The following ANO2 variants were observed in gnomAD, a reference collection of about 807,000 sequenced individuals.
ANO2 encodes anoctamin 2.
Under a neutral mutation model 124.2 loss-of-function variants are expected in ANO2, and 101 were observed. That is an observed-to-expected ratio of 0.81 (90% confidence interval 0.69 to 0.96). The LOEUF (loss-of-function observed/expected upper bound fraction) is 0.96, where lower values mean the gene tolerates loss of function less well. Among genes scored for constraint, ANO2 ranks in the 40% least tolerant of loss-of-function variants. ANO2 has a pLI of 0.00. For synonymous variants in ANO2, 486 were observed against 482.5 expected, an observed-to-expected ratio of 1.01 and a Z score of -0.09; for missense variants, 1,293 against 1,274.5, an observed-to-expected ratio of 1.01 and a Z score of -0.22.
At chr12:5,718,462 C>T (rs1950100596) in intron 14 of ANO2, among the ~76,000 whole-genome samples, 1 of 152,234 alleles carries the variant, frequency 6.6e-6, no homozygotes, top group South Asian at 2.1e-4. Flanking sequence ...CGTAGTTCAC[C>T]CAACGTCCAT....
At chr12:5,602,256 C>CTT (rs56321415) in intron 19 of ANO2, among the ~76,000 whole-genome samples, 194 of 148,374 alleles carry the variant, frequency 1.3e-3, no homozygotes, top group African/African-American at 4.2e-3. Flanking sequence ...TCTAGGAACT[C>CTT]TTTTTTTTTT....
intron 16 of ANO2, among the ~76,000 whole-genome samples, chr12:5,625,414 G>C (rs1164511608): frequency 6.6e-6 from 1 of 152,122 alleles, no homozygotes; most frequent in Non-Finnish European, 1.5e-5. Context: ...GCCAGGGAGA[G>C]AGAGAAAGAG....
chr12:5,609,782 T>C (rs1944395398), intron 19 of ANO2, among the ~76,000 whole-genome samples: 1 of 151,794 alleles, frequency 6.6e-6, no homozygotes, highest in Non-Finnish European at 1.5e-5. Context: ...GCCAGCTCAT[T>C]GGGCCTTACC....
In ANO2 at chr12:5,621,848, AAAG is replaced by A. The variant is rs1029105676; in HGVS notation, c.1817-6554_1817-6552del. Among the ~76,000 whole-genome samples the A allele has an allele frequency of 2.1e-4, 32 of 152,098 alleles. No homozygotes were observed. In the Middle Eastern group the frequency reaches 0.01, roughly 49 times the overall value. ...AGAAGAAAGAGAAGGGAAGGGGGAA[AAAG>A]AAGGAGGAAGAGGGAGGAGGGATGA... On this transcript the variant is annotated intron_variant, in intron 16 of 24. Transcript: ENST00000682330.
chr12:5,633,359 G>A (rs549999644), intron 16 of ANO2, among the ~76,000 whole-genome samples: 1 of 152,222 alleles, frequency 6.6e-6, no homozygotes, highest in East Asian at 1.9e-4. Context: ...CTCTTCCTAA[G>A]CTACTACCTC....
chr12:5,778,481 G>C (rs1204871045), intron 10 of ANO2, among the ~76,000 whole-genome samples: 2 of 152,170 alleles, frequency 1.3e-5, no homozygotes, highest in African/African-American at 4.8e-5. Context: ...CAAATGATGG[G>C]TCTTGCTGCT....
At chr12:5,609,521 C>T (rs1448035241) in intron 19 of ANO2, among the ~76,000 whole-genome samples, 3 of 152,126 alleles carry the variant, frequency 2.0e-5, no homozygotes, top group African/African-American at 7.2e-5. Flanking sequence ...ATTAAACTGT[C>T]TCCATTATAA....
intron 10 of ANO2, among the ~76,000 whole-genome samples, chr12:5,775,130 G>A (rs554913640): frequency 1.3e-4 from 20 of 152,292 alleles, no homozygotes; most frequent in Admixed American, 5.2e-4. Context: ...TTTCCAACTC[G>A]AGTCTATTTT....
intron 3 of ANO2, among the ~76,000 whole-genome samples, chr12:5,910,945 T>C (rs1941011188): frequency 6.6e-6 from 1 of 152,138 alleles, no homozygotes; most frequent in Non-Finnish European, 1.5e-5. Context: ...ATCCTGAGGG[T>C]GAGTTCTTCC....
intron 14 of ANO2, among the ~76,000 whole-genome samples, chr12:5,702,641 A>G (rs1949452512): frequency 1.3e-5 from 2 of 152,206 alleles, no homozygotes; most frequent in Non-Finnish European, 2.9e-5. Context: ...ATACACAAAA[A>G]TAAATTCCAA....
At chr12:5,930,834 G>C (rs1942332526) in intron 1 of ANO2, among the ~76,000 whole-genome samples, 1 of 152,112 alleles carries the variant, frequency 6.6e-6, no homozygotes, top group African/African-American at 2.4e-5. Flanking sequence ...CACAGTAACA[G>C]GACTGCTCTC....
intron 15 of ANO2, among the ~76,000 whole-genome samples, chr12:5,640,361 C>T (rs1946276615): frequency 6.6e-6 from 1 of 152,148 alleles, no homozygotes; most frequent in Non-Finnish European, 1.5e-5. Context: ...ACCACCCTGA[C>T]CCCTTCATCT....
At chr12:5,843,628 T>C (rs1386290570) in intron 4 of ANO2, among the ~76,000 whole-genome samples, 1 of 152,118 alleles carries the variant, frequency 6.6e-6, no homozygotes, top group Non-Finnish European at 1.5e-5. Flanking sequence ...TTTCTGGATG[T>C]ACTGAACTAT....
chr12:5,686,349 A>G lies in ANO2; in HGVS notation c.1546-38548T>C, dbSNP rs369348772. Among the ~76,000 whole-genome samples, 8 of 152,084 alleles carry G rather than the reference A, an allele frequency of 5.3e-5. No homozygotes were observed. In the East Asian group the frequency reaches 1.3e-3, roughly 26 times the overall value. ...CAGGAATTTCCAGAGCTCCCCTTAG[A>G]TGAACCTCAGTGTATAAAATTCCTA... On this transcript the variant is annotated intron_variant, in intron 14 of 24. Transcript: ENST00000682330.
intron 14 of ANO2, among the ~76,000 whole-genome samples, chr12:5,673,054 G>A (rs1213727823): frequency 6.6e-6 from 1 of 152,106 alleles, no homozygotes; most frequent in African/African-American, 2.4e-5. Flanking sequence ...ACTCCCCATA[G>A]GTAACCATGA....
intron 14 of ANO2, among the ~76,000 whole-genome samples, chr12:5,686,682 G>A (rs1344865717): frequency 6.6e-6 from 1 of 152,238 alleles, no homozygotes; most frequent in Non-Finnish European, 1.5e-5. Flanking sequence ...AAGCGGGCAT[G>A]TGGCACCAAA....
chr12:5,611,449 T>C (rs1366107545), intron 19 of ANO2, among the ~76,000 whole-genome samples: 1 of 152,208 alleles, frequency 6.6e-6, no homozygotes, highest in African/African-American at 2.4e-5. Flanking sequence ...TCTTTTACTG[T>C]CTTAGCCATA....
chr12:5,641,387 T>A (rs1026906493), intron 15 of ANO2, among the ~76,000 whole-genome samples: 5 of 151,264 alleles, frequency 3.3e-5, no homozygotes, highest in Non-Finnish European at 5.9e-5. Context: ...AAATTAAAAA[T>A]TAAAAAATAA....
intron 14 of ANO2, among the ~76,000 whole-genome samples, chr12:5,689,364 A>C (rs1948837457): frequency 6.6e-6 from 1 of 151,722 alleles, no homozygotes; most frequent in Non-Finnish European, 1.5e-5. Flanking sequence ...CCAGGAGTAG[A>C]CAAGGAGAGA....
Sources: gnomAD v4.1 joint callset for allele counts (sites outside exome capture counted in the v4.1 genomes callset) on GRCh38, gnomAD v4.1.1 for gene constraint, MANE v1.5 for transcripts, NCBI Gene and HGNC (gene_info 2026-07-23, HGNC 2026-07-21) for gene names.